Variants in MEGF10 observed in about 807,000 individuals in gnomAD.
The protein encoded by MEGF10 is multiple epidermal growth factor-like domains protein 10.
A neutral mutation model predicts 147.5 loss-of-function variants in MEGF10; 86 were observed. The observed-to-expected ratio is 0.58, with a 90% CI of 0.49 to 0.70. The LOEUF (loss-of-function observed/expected upper bound fraction) is 0.70, where lower values mean the gene tolerates loss of function less well. MEGF10 is among the 30% of genes least tolerant of loss of function. The pLI is 0.00. For synonymous variants in MEGF10, 478 were observed against 525.5 expected, an observed-to-expected ratio of 0.91 and a Z score of 1.24; for missense variants, 1,329 against 1,487.3, an observed-to-expected ratio of 0.89 and a Z score of 1.75.
At chr5:127,380,629 T>A (rs563716235) in intron 5 of MEGF10, among the ~76,000 whole-genome samples, 1 of 152,208 alleles carries the variant, frequency 6.6e-6, no homozygotes, top group Non-Finnish European at 1.5e-5. Context: ...ACGATTCTCC[T>A]GCCTCAGCCT....
chr5:127,300,687 G>A (rs1260738330), intron 1 of MEGF10, among the ~76,000 whole-genome samples: 1 of 152,122 alleles, frequency 6.6e-6, no homozygotes, highest in African/African-American at 2.4e-5. Context: ...ATCATGATGG[G>A]AAACTGGAAA....
chr5:127,256,679 T>C, the MEGF10 span, among the ~76,000 whole-genome samples: 1 of 152,158 alleles, frequency 6.6e-6, no homozygotes, highest in African/African-American at 2.4e-5. Flanking sequence ...TTAACAAGTG[T>C]CATGAATATG....
the MEGF10 span, among the ~76,000 whole-genome samples, chr5:127,229,979 GAA>G: frequency 1.3e-5 from 2 of 152,130 alleles, no homozygotes; most frequent in Non-Finnish European, 2.9e-5. Context: ...TGAGATAAAT[GAA>G]AAAGAGAGGC....
chr5:127,316,684 C>T (rs4273645), intron 1 of MEGF10, among the ~76,000 whole-genome samples: 2 of 152,196 alleles, frequency 1.3e-5, no homozygotes, highest in Non-Finnish European at 1.5e-5. Context: ...CTTTATTTTT[C>T]CTGTGGGCCA....
At chr5:127,243,386 A>T in the MEGF10 span, among the ~76,000 whole-genome samples, 1 of 152,196 alleles carries the variant, frequency 6.6e-6, no homozygotes, top group African/African-American at 2.4e-5. Flanking sequence ...AAAGTAAGTA[A>T]AAAATTTATC....
chr5:127,402,588 A>C lies in MEGF10; in HGVS notation c.823A>C (p.Lys275Gln). The change falls in exon 8 of 25, where the codon AAG becomes CAG. Residue 275 changes from lysine (K) to glutamine (Q), a missense_variant. Transcript: ENST00000503335. ...GQPCPEGRFG[K>Q]NCSQECQCHN... ...GCCTTGCCCCGAGGGTCGCTTTGGA[A>C]AGAACTGTTCCCAAGAATGCCAGTG... The C allele has an allele frequency of 1.2e-6, 2 of 1,614,052 alleles. No individual in the cohort carries two copies. Among genetic ancestry groups the C allele is most frequent in the Non-Finnish European group, 1.7e-6 (2 of 1,179,986 alleles).
intron 4 of MEGF10, among the ~76,000 whole-genome samples, chr5:127,363,434 G>A (rs139284044): frequency 5.5e-4 from 84 of 152,266 alleles, no homozygotes; most frequent in Non-Finnish European, 7.8e-4. Context: ...GAGTTGCCTG[G>A]TGCTTTTTGC....
chr5:127,405,789 A>G (rs1764298897), intron 8 of MEGF10, among the ~76,000 whole-genome samples: 1 of 152,020 alleles, frequency 6.6e-6, no homozygotes, highest in Non-Finnish European at 1.5e-5. Context: ...CCTTTTTTTA[A>G]TTAAAAATTT....
chr5:127,449,016 T>C, intron 21 of MEGF10, 83 bp from the exon 22 acceptor site: 1 of 1,559,366 alleles, frequency 6.4e-7, no homozygotes, highest in Non-Finnish European at 8.7e-7. Flanking sequence ...ATATGTGCCC[T>C]GGACTTTTCC....
At chr5:127,416,111 TC>T (rs1764763350) in intron 9 of MEGF10, among the ~76,000 whole-genome samples, 1 of 151,630 alleles carries the variant, frequency 6.6e-6, no homozygotes, top group South Asian at 2.1e-4. Flanking sequence ...CACTGCAAGC[TC>T]CACCTCCCAG....
At chr5:127,428,663 A>G (rs1765287986) in intron 13 of MEGF10, among the ~76,000 whole-genome samples, 1 of 152,234 alleles carries the variant, frequency 6.6e-6, no homozygotes. Context: ...TATATGTTTA[A>G]TAGCTTGTTG....
At chr5:127,457,099 A>G (rs1766388077) in intron 24 of MEGF10, 29 bp from the exon 25 acceptor site, 1 of 1,537,620 alleles carries the variant, frequency 6.5e-7, no homozygotes, top group Non-Finnish European at 8.8e-7. Context: ...TCCTTTGCTG[A>G]TAAATTAATA....
rs1284763144 is a variant in MEGF10, at chr5:127,435,424, C to A, written c.2039C>A (p.Thr680Asn). ...ATTTGTACCTGCACCAACAACGGAACCTGTAACCCCATTGACAGATCTTGT... is the reference window on the plus strand; with the variant it reads ...ATTTGTACCTGCACCAACAACGGAAACTGTAACCCCATTGACAGATCTTGT... ...AGICTCTNNG[T>N]CNPIDRSCQC... is the part of the protein sequence containing the mutation. The change falls in exon 16 of 25, where the codon ACC becomes AAC. Residue 680 changes from threonine to asparagine, a missense_variant. Physicochemically the swap from Thr to Asn is moderately conservative, Grantham distance 65. Coordinates refer to ENST00000503335, the MANE Select transcript of MEGF10 (RefSeq NM_001256545.2). The A allele has an allele frequency of 6.2e-7, 1 of 1,614,128 alleles. No individual in the cohort carries two copies. Among genetic ancestry groups the A allele is most frequent in the South Asian group, 1.1e-5 (1 of 91,070 alleles).
rs550474840 is a variant in MEGF10 at position 127,357,898 on chromosome 5, C to A, written c.320-12012C>A. Among the ~76,000 whole-genome samples, 4 of 152,280 alleles carry A rather than the reference C, an allele frequency of 2.6e-5. No homozygotes were observed. The South Asian group carries it at 8.3e-4, about 32-fold the overall frequency. On this transcript the variant is annotated intron_variant, in intron 4 of 24. Transcript: ENST00000503335. ...CAGACAAGAAACTGAAGGAAAGCAT[C>A]CCACTTTGGATGAGCAAGTGCTCCC...
intron 22 of MEGF10, among the ~76,000 whole-genome samples, chr5:127,450,721 G>C (rs1056107937): frequency 6.6e-6 from 1 of 152,100 alleles, no homozygotes; most frequent in East Asian, 1.9e-4. Context: ...TGACCTTTGT[G>C]TATTTTCATT....
At chr5:127,395,280 T>A (rs959533927) in intron 5 of MEGF10, among the ~76,000 whole-genome samples, 19 of 152,104 alleles carry the variant, frequency 1.2e-4, no homozygotes, top group African/African-American at 4.6e-4. Flanking sequence ...ACTCACTGAC[T>A]TTTGTATTGC....
chr5:127,415,804 G>A (rs1483426684), intron 9 of MEGF10, among the ~76,000 whole-genome samples: 1 of 149,992 alleles, frequency 6.7e-6, no homozygotes, highest in Non-Finnish European at 1.5e-5. Context: ...TCGGGAGGCT[G>A]AGGCAGAAGA....
the MEGF10 span, among the ~76,000 whole-genome samples, chr5:127,238,992 G>A: frequency 6.6e-6 from 1 of 152,044 alleles, no homozygotes; most frequent in Non-Finnish European, 1.5e-5. Flanking sequence ...TATTGAGAAG[G>A]ACAAACATCA....
At chr5:127,367,097 G>C (rs1161098572) in intron 4 of MEGF10, among the ~76,000 whole-genome samples, 1 of 152,072 alleles carries the variant, frequency 6.6e-6, no homozygotes, top group African/African-American at 2.4e-5. Flanking sequence ...GTGTCATCCT[G>C]GAGTTAAGAG....
Sources: gnomAD v4.1 joint callset for allele counts (sites outside exome capture counted in the v4.1 genomes callset) on GRCh38, gnomAD v4.1.1 for gene constraint, MANE v1.5 for transcripts, NCBI Gene and HGNC (gene_info 2026-07-23, HGNC 2026-07-21) for gene names.